The following NOTCH2 variants were observed in gnomAD, a reference collection of about 807,000 sequenced individuals.
NOTCH2 encodes the protein notch receptor 2, also known as neurogenic locus notch homolog protein 2.
In NOTCH2, 29 loss-of-function variants were observed where a neutral mutation model predicts 235.8. That is an observed-to-expected ratio of 0.12 (90% CI 0.09 to 0.17). The LOEUF (loss-of-function observed/expected upper bound fraction) is 0.17. Among genes scored for constraint, NOTCH2 ranks in the 10% least tolerant of loss-of-function variants. The pLI, the probability that NOTCH2 is intolerant of heterozygous loss-of-function variation, is 1.00. For synonymous variants in NOTCH2, 1,086 were observed against 1,141.5 expected (o/e 0.95, Z 0.98); for missense variants, 2,285 against 3,150.2 (o/e 0.73, Z 6.57).
intron 1 of NOTCH2, among the ~76,000 whole-genome samples, chr1:120,067,565 C>A (rs1655556268): frequency 2.0e-5 from 3 of 152,142 alleles, no homozygotes; most frequent in Non-Finnish European, 4.4e-5. Flanking sequence ...TTCCTTTAGT[C>A]CTGCTTCATA....
In NOTCH2 at chr1:119,911,574, G is replaced by A. The variant is rs2101136991; in HGVS notation, c.*3732C>T. The A allele has an allele frequency of 4.3e-6, 1 of 230,630 alleles. No individual in the cohort carries two copies. The highest frequency in any genetic ancestry group is 2.2e-5 in the African/African-American group (1 of 45,342). 14.3% of individuals were successfully genotyped at this position (230,630 alleles called of 1,614,324 possible). A position where few individuals can be genotyped will look rare whatever the true frequency, so the allele number is the denominator to read the frequency against. On this transcript the variant is annotated 3_prime_UTR_variant, in exon 34 of 34. Coordinates refer to ENST00000256646, the MANE Select transcript of NOTCH2 (RefSeq NM_024408.4). ...AGTATTCATGTTCAAATATCTCACT[G>A]ACTTTATAAATAAATGTATGAATGT...
intron 17 of NOTCH2, among the ~76,000 whole-genome samples, chr1:119,942,801 T>G (rs1650106537): frequency 6.6e-6 from 1 of 152,146 alleles, no homozygotes; most frequent in African/African-American, 2.4e-5. Flanking sequence ...CTCCCTAAAG[T>G]TCTCCATCAA....
rs186038821 is a variant in NOTCH2 at position 119,986,053 on chromosome 1, G to A, written c.874+907C>T. ...GTATTGTAAATAATTAGATGCTACAGATAAGGAAAAGTAATTCAGAGACAC... is the reference window on the plus strand; with the variant it reads ...GTATTGTAAATAATTAGATGCTACAAATAAGGAAAAGTAATTCAGAGACAC... On this transcript the variant is annotated intron_variant, in intron 5 of 33. Coordinates refer to ENST00000256646, the MANE Select transcript of NOTCH2 (RefSeq NM_024408.4). 4.1e-3 allele frequency among the ~76,000 whole-genome samples: 618 copies of A among 152,304 alleles called. 4 individuals are homozygous for A. Among genetic ancestry groups the A allele is most frequent in the Middle Eastern group, 0.024 (7 of 294 alleles).
chr1:120,040,813 G>T (rs1247044202), intron 1 of NOTCH2, among the ~76,000 whole-genome samples: 1 of 149,606 alleles, frequency 6.7e-6, no homozygotes, highest in African/African-American at 2.5e-5. Context: ...CGAGGTGGGC[G>T]GATCACGAGG....
chr1:119,944,672 G>A (rs1650191557), intron 17 of NOTCH2, among the ~76,000 whole-genome samples: 1 of 152,012 alleles, frequency 6.6e-6, no homozygotes, highest in Non-Finnish European at 1.5e-5. Flanking sequence ...AAAGAATTGT[G>A]GAATAACAGC....
At chr1:119,973,785 C>T (rs190644825) in intron 5 of NOTCH2, among the ~76,000 whole-genome samples, 24 of 152,098 alleles carry the variant, frequency 1.6e-4, no homozygotes, top group Non-Finnish European at 3.2e-4. Flanking sequence ...GAGCTTATCC[C>T]ACTGGTGCAA....
chr1:119,911,680 G>A lies in NOTCH2; in HGVS notation c.*3626C>T, dbSNP rs1176711523. 2 of 232,960 alleles carry A rather than the reference G, an allele frequency of 8.6e-6. No individual in the cohort carries two copies. Among genetic ancestry groups the A allele is most frequent in the Admixed American group, 1.1e-4 (2 of 17,784 alleles). 14.4% of individuals were successfully genotyped at this position (232,960 alleles called of 1,614,324 possible). A position where few individuals can be genotyped will look rare whatever the true frequency, so the allele number is the denominator to read the frequency against. ...TCTACACAAATTTCACTTAAGGAAT[G>A]TTACAAACCAATCATTTACATAACA... On this transcript the variant is annotated 3_prime_UTR_variant, in exon 34 of 34. Transcript: ENST00000256646.
At chr1:119,967,938 G>T in intron 7 of NOTCH2, 139 bp downstream of exon 7, 1 of 939,244 alleles carries the variant, frequency 1.1e-6, no homozygotes, top group Non-Finnish European at 1.7e-6. Flanking sequence ...AAGGTCACTT[G>T]TAAACACTGG....
chr1:120,051,301 G>A (rs1455647142), intron 1 of NOTCH2, among the ~76,000 whole-genome samples: 1 of 87,126 alleles, frequency 1.1e-5, no homozygotes, highest in Non-Finnish European at 2.0e-5. Context: ...TTAAATCAGA[G>A]ATACTTAATT....
intron 12 of NOTCH2, among the ~76,000 whole-genome samples, chr1:119,955,445 T>C (rs1650652827): frequency 2.0e-5 from 3 of 152,228 alleles, no homozygotes; most frequent in African/African-American, 7.2e-5. Context: ...CAAGGAAAGT[T>C]AACAAAAGGC....
At chr1:119,934,854 CA>C (rs1386069473) in intron 22 of NOTCH2, among the ~76,000 whole-genome samples, 2 of 152,294 alleles carry the variant, frequency 1.3e-5, no homozygotes, top group East Asian at 3.9e-4. Context: ...GGTTCAAAAG[CA>C]GTGTCAATGT....
chr1:119,925,952 C>T (rs946322048), intron 24 of NOTCH2, 142 bp from the exon 25 acceptor site: 64 of 990,670 alleles, frequency 6.5e-5, no homozygotes, highest in Non-Finnish European at 9.1e-5. Context: ...AGACAGGTTT[C>T]CTTTTGGTAT....
At chr1:120,015,033 A>AAG (rs1653378728) in intron 2 of NOTCH2, among the ~76,000 whole-genome samples, 1 of 151,212 alleles carries the variant, frequency 6.6e-6, no homozygotes, top group Admixed American at 6.6e-5. Context: ...TGGCCATTCA[A>AAG]AAAAAAACAA....
rs745445206 is a variant in NOTCH2, at chr1:119,923,641, C to A, written c.4855G>T (p.Ala1619Ser). 6.2e-7 allele frequency: 1 copy of A among 1,613,814 alleles called. No individual in the cohort carries two copies. Among genetic ancestry groups the A allele is most frequent in the Non-Finnish European group, 8.5e-7 (1 of 1,179,866 alleles). Reference protein sequence around the residue: ...SLPGEQEQEVAGSKVFLEIDN... With the variant: ...SLPGEQEQEVSGSKVFLEIDN... ...GTTCAGAAACCAAACACCTACCCAG[C>A]CACCTCCTGTTCTTGTTCACCAGGA... The change falls in exon 26 of 34, where the codon GCT (alanine) becomes TCT (serine). Residue 1619 changes from alanine to serine, a missense_variant. Physicochemically the swap from Ala to Ser is moderately conservative, Grantham distance 99. Transcript: ENST00000256646.
chr1:119,913,282 A>G lies in NOTCH2; in HGVS notation c.*2024T>C, dbSNP rs587627069. 2.1e-5 allele frequency: 5 copies of G among 233,322 alleles called. No individual in the cohort carries two copies. The South Asian group carries it at 7.2e-4, about 34-fold the overall frequency. The allele number at this position is 233,322 out of a possible 1,614,324, so 14.5% of individuals were successfully genotyped here. A position where few individuals can be genotyped will look rare whatever the true frequency, so the allele number is the denominator to read the frequency against. On this transcript the variant is annotated 3_prime_UTR_variant, in exon 34 of 34. Coordinates refer to ENST00000256646, the MANE Select transcript of NOTCH2 (RefSeq NM_024408.4). ...AGTAATTATTTTTGTTGGTTCAATA[A>G]ATTTGGATAGGACTGAAAAAACCAT...
rs1648973679 is a variant in NOTCH2 at position 119,913,864 on chromosome 1, C to G, written c.*1442G>C. 1.3e-5 allele frequency: 3 copies of G among 233,124 alleles called. No individual in the cohort carries two copies. In the East Asian group the frequency reaches 1.8e-4, roughly 14 times the overall value. The allele number at this position is 233,124 out of a possible 1,614,324, so 14.4% of individuals were successfully genotyped here. ...AGGCTGCTATATAGTTCCTCCTTTT[C>G]CAACCTTCTTATAGGGCTGTTTTGG... On this transcript the variant is annotated 3_prime_UTR_variant, in exon 34 of 34. Transcript: ENST00000256646.
rs1173598104 is a variant in NOTCH2 at position 119,937,391 on chromosome 1, G to A, written c.3413C>T (p.Pro1138Leu). ...ACAGTAGCTCCCAGTATAGCCCAGG[G>A]GGCACTGACAGTAATGCGTGTTGCC... ...NAGNTHYCQC[P>L]LGYTGSYCEE... Residue 1138 changes from proline to leucine, a missense_variant, in exon 21 of 34, where the codon CCC (proline) becomes CTC (leucine). Transcript: ENST00000256646. 2 of 1,614,096 alleles carry A rather than the reference G, an allele frequency of 1.2e-6. No individual in the cohort carries two copies. The highest frequency in any genetic ancestry group is 2.2e-5 in the East Asian group (1 of 44,868).
At position 119,965,537 on chromosome 1, in the gene NOTCH2, T is replaced by C. The variant is rs1226120162; in HGVS notation, c.1597A>G (p.Ile533Val). Reference sequence around the variant, plus strand: ...CACGGAGTACTGGAACAGTCATCAATATCAATCTGGCAAACTGGCCCAGTG... The same window carrying C: ...CACGGAGTACTGGAACAGTCATCAACATCAATCTGGCAAACTGGCCCAGTG... ...GFTGPVCQIDIDDCSSTPCLN... is the reference protein window; with the variant it reads ...GFTGPVCQIDVDDCSSTPCLN... The change falls in exon 10 of 34, where the codon ATT becomes GTT. Residue 533 changes from isoleucine (I) to valine (V), a missense_variant. Around this residue, in one of 6 missense-constraint regions of NOTCH2, gnomAD observed 431 missense variants for 757.8 expected, o/e 0.57. Coordinates refer to ENST00000256646, the MANE Select transcript of NOTCH2 (RefSeq NM_024408.4). 10 of 1,614,012 alleles carry C rather than the reference T, an allele frequency of 6.2e-6. No individual in the cohort carries two copies. In the East Asian group the frequency reaches 2.0e-4, roughly 32 times the overall value.
chr1:119,935,875 G>A (rs1176837174), intron 21 of NOTCH2, among the ~76,000 whole-genome samples: 1 of 152,218 alleles, frequency 6.6e-6, no homozygotes, highest in African/African-American at 2.4e-5. Flanking sequence ...GGATGTTTCA[G>A]ATTTGACTTG....
Sources: gnomAD v4.1 joint callset for allele counts (sites outside exome capture counted in the v4.1 genomes callset) on GRCh38, gnomAD v4.1.1 for gene constraint, gnomAD v4.1.1 regional missense constraint, MANE v1.5 for transcripts, NCBI Gene and HGNC (gene_info 2026-07-23, HGNC 2026-07-21) for gene names.